Variants in SLC71A2 observed in about 807,000 individuals in gnomAD.
The protein encoded by SLC71A2 is solute carrier family 71 member 2, also known as hippocampus abundant transcript-like 1.
the SLC71A2 span, chr9:94,451,380 A>G: frequency 2.8e-5 from 20 of 721,576 alleles, no homozygotes; most frequent in Non-Finnish European, 4.2e-5. Context: ...TAGACTTATC[A>G]TTGTAATAGA....
At chr9:94,381,659 T>C in the SLC71A2 span, among the ~76,000 whole-genome samples, 1 of 152,128 alleles carries the variant, frequency 6.6e-6, no homozygotes, top group Non-Finnish European at 1.5e-5. Flanking sequence ...GGTCATATGG[T>C]AGATGTATTT....
chr9:94,455,083 A>G, the SLC71A2 span, among the ~76,000 whole-genome samples: 1 of 147,990 alleles, frequency 6.8e-6, no homozygotes, highest in African/African-American at 2.5e-5. Context: ...CTTAGTTATC[A>G]TGTTTAGTTT....
chr9:94,442,052 A>G, the SLC71A2 span, among the ~76,000 whole-genome samples: 1 of 152,170 alleles, frequency 6.6e-6, no homozygotes, highest in Non-Finnish European at 1.5e-5. Context: ...TATGCTTGGT[A>G]CCCTTCTCCC....
At chr9:94,420,518 T>C in the SLC71A2 span, among the ~76,000 whole-genome samples, 1 of 152,212 alleles carries the variant, frequency 6.6e-6, no homozygotes, top group Non-Finnish European at 1.5e-5. Flanking sequence ...AGATAATTTG[T>C]TAATCTTTTT....
chr9:94,409,778 TTAA>T, the SLC71A2 span, among the ~76,000 whole-genome samples: 5 of 148,422 alleles, frequency 3.4e-5, no homozygotes, highest in African/African-American at 1.2e-4. Flanking sequence ...TTTTCTTAAG[TTAA>T]TGATGTCTAA....
At chr9:94,430,225 T>A in the SLC71A2 span, among the ~76,000 whole-genome samples, 3 of 88,456 alleles carry the variant, frequency 3.4e-5, no homozygotes, top group East Asian at 2.2e-4. Flanking sequence ...TTTAAATAAT[T>A]TTTTTTTTTT....
chr9:94,441,325 C>T, the SLC71A2 span, among the ~76,000 whole-genome samples: 1 of 152,148 alleles, frequency 6.6e-6, no homozygotes, highest in Non-Finnish European at 1.5e-5. Context: ...AGCTTTTACT[C>T]ATGATGATGG....
chr9:94,448,566 C>T, the SLC71A2 span, among the ~76,000 whole-genome samples: 8 of 152,154 alleles, frequency 5.3e-5, no homozygotes, highest in Admixed American at 3.9e-4. Context: ...GTATTAAATT[C>T]TTCATTCTGA....
the SLC71A2 span, among the ~76,000 whole-genome samples, chr9:94,426,949 C>T: frequency 6.6e-6 from 1 of 152,222 alleles, no homozygotes; most frequent in African/African-American, 2.4e-5. Flanking sequence ...AATCTTCCCA[C>T]TTCAGCTTCC....
At chr9:94,416,552 C>A in the SLC71A2 span, among the ~76,000 whole-genome samples, 1 of 152,120 alleles carries the variant, frequency 6.6e-6, no homozygotes, top group Non-Finnish European at 1.5e-5. Flanking sequence ...ATTCTTCTGG[C>A]ACAGTTAAAA....
At chr9:94,433,493 A>G in the SLC71A2 span, among the ~76,000 whole-genome samples, 1 of 151,138 alleles carries the variant, frequency 6.6e-6, no homozygotes, top group Non-Finnish European at 1.5e-5. Flanking sequence ...ACCAACATCG[A>G]GAAACCCTGT....
the SLC71A2 span, among the ~76,000 whole-genome samples, chr9:94,398,550 G>A: frequency 1.3e-5 from 2 of 152,100 alleles, no homozygotes; most frequent in Non-Finnish European, 2.9e-5. Context: ...ATGGGTCCAG[G>A]TGCTGGAGTG....
At chr9:94,375,406 G>A in the SLC71A2 span, among the ~76,000 whole-genome samples, 1 of 151,386 alleles carries the variant, frequency 6.6e-6, no homozygotes, top group Admixed American at 6.6e-5. Flanking sequence ...GGCGTTGCTG[G>A]GGACCAGCCG....
chr9:94,409,127 T>C, the SLC71A2 span, among the ~76,000 whole-genome samples: 1 of 123,210 alleles, frequency 8.1e-6, no homozygotes, highest in South Asian at 2.8e-4. Context: ...GCGCCCGGCC[T>C]CCTTTTTTTT....
chr9:94,459,212 A>G, the SLC71A2 span: 2 of 1,614,084 alleles, frequency 1.2e-6, no homozygotes, highest in African/African-American at 1.3e-5. Context: ...TATAGTCCTT[A>G]TGTCTTTTCT....
the SLC71A2 span, among the ~76,000 whole-genome samples, chr9:94,407,218 G>A: frequency 6.6e-6 from 1 of 151,552 alleles, no homozygotes; most frequent in Admixed American, 6.6e-5. Flanking sequence ...GTATTACATT[G>A]ATTGGTTTTC....
chr9:94,377,854 C>A, the SLC71A2 span, among the ~76,000 whole-genome samples: 1 of 152,088 alleles, frequency 6.6e-6, no homozygotes. Flanking sequence ...CACCTGTAAT[C>A]CCAGCACTTT....
At chr9:94,433,351 T>A in the SLC71A2 span, 1 of 150,330 alleles carries the variant, frequency 6.7e-6, no homozygotes, top group Non-Finnish European at 1.5e-5. Context: ...TGGTCTACAG[T>A]GTTCAGAAGG....
the SLC71A2 span, among the ~76,000 whole-genome samples, chr9:94,426,285 A>G: frequency 1.3e-5 from 2 of 151,988 alleles, no homozygotes; most frequent in South Asian, 2.1e-4. Context: ...TCCTGGTGCC[A>G]TATCTGTAGG....
Sources: gnomAD v4.1 joint callset for allele counts (sites outside exome capture counted in the v4.1 genomes callset) on GRCh38, gnomAD v4.1.1 for gene constraint, MANE v1.5 for transcripts, NCBI Gene and HGNC (gene_info 2026-07-23, HGNC 2026-07-21) for gene names.